The following ECI1 variants were observed in gnomAD, a reference collection of about 807,000 sequenced individuals.
The protein encoded by ECI1 is enoyl-CoA delta isomerase 1, mitochondrial.
A neutral mutation model predicts 34.2 loss-of-function variants in ECI1; 34 were observed. The ratio of observed to expected loss-of-function variants is 1.00; its 90% CI spans 0.76 to 1.33. ECI1 has a LOEUF of 1.33. ECI1 is among the 40% of genes most tolerant of loss of function. The pLI, the probability that ECI1 is intolerant of heterozygous loss-of-function variation, is 0.00. For synonymous variants in ECI1, 211 were observed against 193.0 expected, an observed-to-expected ratio of 1.09 and a Z score of -0.77; for missense variants, 456 against 422.2, an observed-to-expected ratio of 1.08 and a Z score of -0.70.
chr16:2,248,249 A>C (rs946349843), intron 2 of ECI1, among the ~76,000 whole-genome samples: 2 of 150,310 alleles, frequency 1.3e-5, no homozygotes. Flanking sequence ...GGTATGCGCC[A>C]CTATGCCCAG....
chr16:2,245,243 G>A (rs775990259), intron 3 of ECI1, among the ~76,000 whole-genome samples: 11 of 152,180 alleles, frequency 7.2e-5, no homozygotes, highest in East Asian at 1.9e-4. Context: ...AACACGGCAC[G>A]TTTTCCTCCC....
At chr16:2,248,984 A>G (rs1286743772) in intron 2 of ECI1, among the ~76,000 whole-genome samples, 1 of 152,012 alleles carries the variant, frequency 6.6e-6, no homozygotes, top group African/African-American at 2.4e-5. Context: ...ACTTAGTATC[A>G]TGTGTTCAAG....
rs550802594 is a variant in ECI1 at position 2,239,416 on chromosome 16, G to A, written c.*563C>T. The A allele has an allele frequency of 3.0e-5, 5 of 164,330 alleles. No individual in the cohort carries two copies. Among genetic ancestry groups the A allele is most frequent in the Admixed American group, 2.8e-4 (5 of 17,714 alleles). 10.2% of individuals were successfully genotyped at this position (164,330 alleles called of 1,614,324 possible). The stretch of plus-strand genomic sequence containing the variant: ...TGTTTCAAGGGTTTGGATGAGTTTG[G>A]TTCTTGCAAAATCCTTCTTAAGGGA... On this transcript the variant is annotated 3_prime_UTR_variant, in exon 7 of 7. Coordinates refer to ENST00000301729, the MANE Select transcript of ECI1 (RefSeq NM_001919.4).
rs751574913 is a variant in ECI1, at chr16:2,240,092, G to A, written c.796C>T (p.Leu266=). ...AMMRKATASR[L]VTQRDADVQN... The stretch of plus-strand genomic sequence containing the variant: ...ACGTCCGCATCGCGCTGCGTGACCA[G>A]GCGGCTGGCCGTGGCCTTTCGCATC... Residue 266 remains leucine (L), a synonymous_variant, in exon 7 of 7, where the codon CTG becomes TTG. Transcript: ENST00000301729. 2.5e-6 allele frequency: 4 copies of A among 1,613,842 alleles called. No homozygotes were observed. The highest frequency in any genetic ancestry group is 1.1e-5 in the South Asian group (1 of 91,096).
In ECI1 at chr16:2,242,563, C is replaced by A. The variant is rs148947439; in HGVS notation, c.742+483G>T. 911 of 183,774 alleles carry A rather than the reference C, an allele frequency of 5.0e-3. 4 individuals are homozygous for A. Among genetic ancestry groups the A allele is most frequent in the Middle Eastern group, 0.036 (14 of 394 alleles). 11.4% of individuals were successfully genotyped at this position (183,774 alleles called of 1,614,324 possible). The stretch of plus-strand genomic sequence containing the variant: ...ACTGCTCTGGAACTTGGAAGTGTGA[C>A]CTTATTTGGAAAGAGTCTCTGCAGA... On this transcript the variant is annotated intron_variant, in intron 6 of 6. Transcript: ENST00000301729.
intron 4 of ECI1, chr16:2,244,176 G>A (rs1329342617): frequency 1.0e-5 from 6 of 594,806 alleles, no homozygotes; most frequent in African/African-American, 1.9e-5. Flanking sequence ...CCTACCCACT[G>A]GCTCTTTTCT....
At chr16:2,243,473 C>T in intron 4 of ECI1, 34 bp from the exon 5 acceptor site, 1 of 1,606,760 alleles carries the variant, frequency 6.2e-7, no homozygotes, top group African/African-American at 1.3e-5. Flanking sequence ...CTCTTAGGTG[C>T]TGCTGGTCCC....
intron 6 of ECI1, chr16:2,242,771 G>C (rs1180040815): frequency 1.9e-6 from 1 of 523,274 alleles, no homozygotes. Flanking sequence ...CAGCAGAAGT[G>C]GGCGGGGCAG....
At position 2,243,571 on chromosome 16, in the gene ECI1, G is replaced by A; in HGVS notation, c.442-132C>T. 4 of 1,110,230 alleles carry A rather than the reference G, an allele frequency of 3.6e-6. No homozygotes were observed. The Admixed American group carries it at 7.7e-5, about 21-fold the overall frequency. 68.8% of individuals were successfully genotyped at this position (1,110,230 alleles called of 1,614,324 possible). A position where few individuals can be genotyped will look rare whatever the true frequency, so the allele number is the denominator to read the frequency against. ...CCCGCAGGGTTCAACACCCACAATG[G>A]TCTGGGCTGGGCTGGGTGTGCACTG... On this transcript the variant is annotated intron_variant, in intron 4 of 6. Coordinates refer to ENST00000301729, the MANE Select transcript of ECI1 (RefSeq NM_001919.4).
rs1055446258 is a variant in ECI1 at position 2,250,011 on chromosome 16, C to CAA, written c.166+1303_166+1304dup. ...TGGGTGACAGAGGGAGCCTCTGTCTCAAAAAAAAAAAAATAATAATTTTTT... is the reference window on the plus strand; with the variant it reads ...TGGGTGACAGAGGGAGCCTCTGTCTCAAAAAAAAAAAAAAATAATAATTTTTT... On this transcript the variant is annotated intron_variant, in intron 2 of 6. Transcript: ENST00000301729. 2.9e-5 allele frequency among the ~76,000 whole-genome samples: 3 copies of CAA among 104,956 alleles called. No homozygotes were observed. The Admixed American group carries it at 2.9e-4, about 10-fold the overall frequency. 68.9% of individuals were successfully genotyped at this position (104,956 alleles called of 152,430 possible).
chr16:2,241,184 T>C (rs928615530), intron 6 of ECI1: 13 of 151,646 alleles, frequency 8.6e-5, no homozygotes, highest in African/African-American at 2.9e-4. Context: ...AATAAAAAAA[T>C]TTCCATGGCA....
In ECI1 at chr16:2,239,444, T is replaced by C. The variant is rs1177121897; in HGVS notation, c.*535A>G. Reference sequence around the variant, plus strand: ...CTTGCAAAATCCTTCTTAAGGGACATTTGGATCCCTGGCAGCACAGCTGCC... The same window carrying C: ...CTTGCAAAATCCTTCTTAAGGGACACTTGGATCCCTGGCAGCACAGCTGCC... On this transcript the variant is annotated 3_prime_UTR_variant, in exon 7 of 7. Coordinates refer to ENST00000301729, the MANE Select transcript of ECI1 (RefSeq NM_001919.4). 5.9e-6 allele frequency: 1 copy of C among 170,316 alleles called. No homozygotes were observed. The highest frequency in any genetic ancestry group is 2.9e-3 in the Middle Eastern group (1 of 350). The allele number at this position is 170,316 out of a possible 1,614,324, so 10.6% of individuals were successfully genotyped here.
At chr16:2,250,968 C>T (rs1338537656) in intron 2 of ECI1, among the ~76,000 whole-genome samples, 1 of 152,154 alleles carries the variant, frequency 6.6e-6, no homozygotes, top group Non-Finnish European at 1.5e-5. Flanking sequence ...CGCACCACCA[C>T]GCCCAGCTAA....
At chr16:2,243,925 C>T (rs529937543) in intron 4 of ECI1, among the ~76,000 whole-genome samples, 17 of 152,288 alleles carry the variant, frequency 1.1e-4, no homozygotes, top group African/African-American at 2.6e-4. Context: ...TCTGCATGGC[C>T]GTGCACCCTT....
At chr16:2,247,898 G>A (rs932177958) in intron 2 of ECI1, among the ~76,000 whole-genome samples, 1 of 152,056 alleles carries the variant, frequency 6.6e-6, no homozygotes, top group Non-Finnish European at 1.5e-5. Flanking sequence ...TAGTACAGAC[G>A]AGGTCTTATT....
At chr16:2,245,359 C>G (rs2093537912) in intron 3 of ECI1, among the ~76,000 whole-genome samples, 1 of 152,248 alleles carries the variant, frequency 6.6e-6, no homozygotes, top group Non-Finnish European at 1.5e-5. Flanking sequence ...CCCGCCCTGT[C>G]TGCAGGAAGG....
Position 2,239,666 on chromosome 16 carries a change from G to A in ECI1, c.*313C>T. On this transcript the variant is annotated 3_prime_UTR_variant, in exon 7 of 7. Coordinates refer to ENST00000301729, the MANE Select transcript of ECI1 (RefSeq NM_001919.4). Reference sequence around the variant, plus strand: ...GGCCAGAATGGATGACCAGGGACTTGACTTACGATTCTGCCTTGGGAACAG... The same window carrying A: ...GGCCAGAATGGATGACCAGGGACTTAACTTACGATTCTGCCTTGGGAACAG... 1 of 412,330 alleles carries A rather than the reference G, an allele frequency of 2.4e-6. No homozygotes were observed. The highest frequency in any genetic ancestry group is 4.6e-6 in the Non-Finnish European group (1 of 218,004). The allele number at this position is 412,330 out of a possible 1,614,324, so 25.5% of individuals were successfully genotyped here. A position where few individuals can be genotyped will look rare whatever the true frequency, so the allele number is the denominator to read the frequency against.
chr16:2,245,897 G>T (rs544657359), intron 3 of ECI1, among the ~76,000 whole-genome samples: 2 of 152,006 alleles, frequency 1.3e-5, no homozygotes, highest in African/African-American at 4.8e-5. Context: ...CCCAGGAGGC[G>T]GAGGTTGTAG....
At chr16:2,245,530 A>AG (rs933002286) in intron 3 of ECI1, among the ~76,000 whole-genome samples, 5 of 152,290 alleles carry the variant, frequency 3.3e-5, no homozygotes, top group African/African-American at 1.2e-4. Flanking sequence ...CAGAATGGGT[A>AG]GGCCGGTCCT....
Sources: allele counts gnomAD v4.1 joint callset (sites outside exome capture counted in the v4.1 genomes callset), GRCh38; gene constraint gnomAD v4.1.1; transcripts MANE v1.5; gene names NCBI Gene and HGNC (gene_info 2026-07-23, HGNC 2026-07-21).